The following MAP3K15 variants were observed in gnomAD, a reference collection of about 807,000 sequenced individuals.
The protein encoded by MAP3K15 is MAPK/ERK kinase kinase 15.
MAP3K15 carries 124 observed loss-of-function variants against 99.5 expected under a neutral mutation model. The ratio of observed to expected loss-of-function variants is 1.25; its 90% CI spans 1.08 to 1.45. The LOEUF (loss-of-function observed/expected upper bound fraction) is 1.45. Ranked by LOEUF, MAP3K15 falls within the 40% of genes most tolerant of loss-of-function variation. MAP3K15 has a pLI of 0.00. For synonymous variants in MAP3K15, 494 were observed against 439.6 expected (o/e 1.12, Z -1.55); for missense variants, 1,242 against 1,079.7 (o/e 1.15, Z -2.11).
chrX:19,495,753 T>C (rs1303081260), intron 1 of MAP3K15, among the ~76,000 whole-genome samples: 3 of 111,833 alleles, frequency 2.7e-5, no homozygotes, highest in African/African-American at 9.7e-5. Flanking sequence ...TGCAAATACA[T>C]ATTGTTCTTC....
At chrX:19,447,356 C>T (rs939180823) in intron 6 of MAP3K15, among the ~76,000 whole-genome samples, 14 of 111,775 alleles carry the variant, frequency 1.3e-4, no homozygotes, top group African/African-American at 4.6e-4. Flanking sequence ...CCTTTCTTTA[C>T]AAGTCCTTCA....
At chrX:19,462,984 A>G (rs917314645) in intron 4 of MAP3K15, among the ~76,000 whole-genome samples, 4 of 112,509 alleles carry the variant, frequency 3.6e-5, no homozygotes, top group African/African-American at 1.3e-4. Flanking sequence ...ACAAACTTGA[A>G]TCCATGTCTT....
At chrX:19,476,076 G>T (rs2064240733) in intron 3 of MAP3K15, among the ~76,000 whole-genome samples, 1 of 112,329 alleles carries the variant, frequency 8.9e-6, no homozygotes, top group Non-Finnish European at 1.9e-5. Context: ...AATATGATAT[G>T]TCTGAGTTTG....
intron 7 of MAP3K15, among the ~76,000 whole-genome samples, chrX:19,427,145 A>ATTT (rs66775152): frequency 1.8e-4 from 18 of 102,695 alleles, no homozygotes; most frequent in African/African-American, 6.1e-4. Context: ...ACACCTATGC[A>ATTT]TTTTTTTTTT....
intron 6 of MAP3K15, among the ~76,000 whole-genome samples, chrX:19,447,274 G>C (rs2064004919): frequency 9.0e-6 from 1 of 111,488 alleles, no homozygotes; most frequent in Non-Finnish European, 1.9e-5. Flanking sequence ...TACCCAGCTA[G>C]TTAGGAGGAG....
In MAP3K15 at chrX:19,415,030, A is replaced by G. The variant is rs1333242827; in HGVS notation, c.1590+77T>C. 4.6e-6 allele frequency: 4 copies of G among 867,033 alleles called. No individual in the cohort carries two copies. In the East Asian group the frequency reaches 1.4e-4, roughly 30 times the overall value. 71.5% of individuals were successfully genotyped at this position (867,033 alleles called of 1,213,427 possible). On this transcript the variant is annotated intron_variant, in intron 10 of 28. Transcript: ENST00000338883. Reference sequence around the variant, plus strand: ...TACTCTACAGTTTTCTTCAGTTCAGAGTATTCAATAGTTAAATAGCACCAA... The same window carrying G: ...TACTCTACAGTTTTCTTCAGTTCAGGGTATTCAATAGTTAAATAGCACCAA...
rs555050902 is a variant in MAP3K15, at chrX:19,400,616, G to A, written c.1892C>T (p.Thr631Met). Residue 631 changes from threonine (T) to methionine (M), a missense_variant, in exon 14 of 29, where the codon ACG becomes ATG. Coordinates refer to ENST00000338883, the MANE Select transcript of MAP3K15 (RefSeq NM_001001671.4). ...ATCGGTCTCTCCCTCCAGCTCCACC[G>A]TACTGCCTGCTGTATTGGTTATCAT... is the stretch of plus-strand genomic sequence containing the variant. Reference protein sequence around the residue: ...KEMITNTAGSTVELEGETDGD... With the variant: ...KEMITNTAGSMVELEGETDGD... 77 of 1,205,971 alleles carry A rather than the reference G, an allele frequency of 6.4e-5. No homozygotes were observed. The South Asian group carries it at 8.3e-4, about 13-fold the overall frequency.
At chrX:19,403,943 TTTC>T (rs1569212496) in intron 13 of MAP3K15, among the ~76,000 whole-genome samples, 1 of 112,082 alleles carries the variant, frequency 8.9e-6, no homozygotes, top group Non-Finnish European at 1.9e-5. Context: ...GACTAACTTC[TTTC>T]TTCTTAAAAA....
intron 9 of MAP3K15, among the ~76,000 whole-genome samples, chrX:19,418,607 A>G (rs2063756498): frequency 9.0e-6 from 1 of 111,640 alleles, no homozygotes; most frequent in African/African-American, 3.3e-5. Context: ...AAGCTGGAAA[A>G]CACTCTGCAG....
chrX:19,479,624 C>T (rs2064275370), intron 3 of MAP3K15, among the ~76,000 whole-genome samples: 1 of 112,205 alleles, frequency 8.9e-6, no homozygotes. Context: ...ACAAATGAAG[C>T]TACGCAATGC....
At chrX:19,418,288 C>T (rs1405378954) in intron 9 of MAP3K15, among the ~76,000 whole-genome samples, 1 of 110,698 alleles carries the variant, frequency 9.0e-6, no homozygotes, top group Non-Finnish European at 1.9e-5. Context: ...AAGTTAAAAA[C>T]CTTGAAAAAA....
chrX:19,501,213 GAGGGAGAA>G (rs1416024173), intron 1 of MAP3K15, among the ~76,000 whole-genome samples: 1 of 111,969 alleles, frequency 8.9e-6, no homozygotes, highest in Admixed American at 9.5e-5. Flanking sequence ...CTCCAGCAGG[GAGGGAGAA>G]AGGGAGAAGG....
At chrX:19,511,032 T>C (rs2064514206) in intron 1 of MAP3K15, among the ~76,000 whole-genome samples, 1 of 111,790 alleles carries the variant, frequency 8.9e-6, no homozygotes, top group African/African-American at 3.3e-5. Context: ...TACAACCATC[T>C]GATCTTTGAC....
chrX:19,456,415 CA>C (rs2064093262), intron 6 of MAP3K15, among the ~76,000 whole-genome samples: 1 of 112,248 alleles, frequency 8.9e-6, no homozygotes, highest in Non-Finnish European at 1.9e-5. Flanking sequence ...AAGTCAAGGA[CA>C]AGCCAAACTC....
chrX:19,505,324 T>C (rs1242612917), intron 1 of MAP3K15, among the ~76,000 whole-genome samples: 1 of 111,888 alleles, frequency 8.9e-6, no homozygotes, highest in Non-Finnish European at 1.9e-5. Context: ...CCCCAGGAGA[T>C]AATTTTCTAG....
At chrX:19,439,967 G>C (rs761233886) in intron 6 of MAP3K15, among the ~76,000 whole-genome samples, 1 of 111,701 alleles carries the variant, frequency 9.0e-6, no homozygotes, top group Non-Finnish European at 1.9e-5. Context: ...CAACCGGTGG[G>C]AGGCACTGGG....
intron 1 of MAP3K15, among the ~76,000 whole-genome samples, chrX:19,507,519 G>T (rs193158557): frequency 6.1e-5 from 6 of 97,626 alleles, no homozygotes; most frequent in African/African-American, 1.9e-4. Context: ...TCAAGGCTGC[G>T]GTGAGCCGTG....
At chrX:19,458,976 T>C (rs1233836410) in intron 5 of MAP3K15, among the ~76,000 whole-genome samples, 1 of 111,973 alleles carries the variant, frequency 8.9e-6, no homozygotes, top group Non-Finnish European at 1.9e-5. Context: ...CTCAATTTCC[T>C]TCACGGAACC....
intron 5 of MAP3K15, among the ~76,000 whole-genome samples, 180 bp downstream of exon 5, chrX:19,459,805 G>A (rs979899653): frequency 2.7e-5 from 3 of 111,827 alleles, no homozygotes; most frequent in Non-Finnish European, 5.6e-5. Flanking sequence ...AGCCGAGATC[G>A]CACCATTGCA....
Sources: allele counts gnomAD v4.1 joint callset (sites outside exome capture counted in the v4.1 genomes callset), GRCh38; gene constraint gnomAD v4.1.1; transcripts MANE v1.5; gene names NCBI Gene and HGNC (gene_info 2026-07-23, HGNC 2026-07-21).